The following HLCS variants were observed in gnomAD, a reference collection of about 807,000 sequenced individuals.
The protein encoded by HLCS is biotin--protein ligase.
A neutral mutation model predicts 75.0 loss-of-function variants in HLCS; 53 were observed. That is an observed-to-expected ratio of 0.71 (90% CI 0.57 to 0.89). The LOEUF (loss-of-function observed/expected upper bound fraction) is 0.89, where lower values mean the gene tolerates loss of function less well. Among genes scored for constraint, HLCS ranks in the 40% least tolerant of loss-of-function variants. The probability of loss-of-function intolerance (pLI) is 0.00; values close to 1 mark genes in which losing one functional copy is unlikely to be tolerated. For synonymous variants in HLCS, 431 were observed against 428.6 expected (o/e 1.01, Z -0.07); for missense variants, 966 against 1,074.0 (o/e 0.90, Z 1.41).
intron 6 of HLCS, among the ~76,000 whole-genome samples, chr21:36,818,057 G>A (rs931323766): frequency 1.3e-5 from 2 of 152,070 alleles, no homozygotes; most frequent in African/African-American, 2.4e-5. Flanking sequence ...AAGCAGTGTC[G>A]AATTAATTTC....
intron 6 of HLCS, among the ~76,000 whole-genome samples, chr21:36,851,142 T>C (rs1037264310): frequency 1.3e-5 from 2 of 152,220 alleles, no homozygotes; most frequent in African/African-American, 2.4e-5. Context: ...TACATTTCAA[T>C]AGAGCTACCA....
intron 1 of HLCS, among the ~76,000 whole-genome samples, chr21:36,985,701 G>A (rs900152879): frequency 6.6e-6 from 1 of 151,976 alleles, no homozygotes; most frequent in African/African-American, 2.4e-5. Context: ...GGGAGGTGGA[G>A]GTTGCAGTGA....
intron 6 of HLCS, among the ~76,000 whole-genome samples, chr21:36,879,124 C>CA (rs372122962): frequency 1 from 152,272 of 152,282 alleles, 76,131 homozygotes; most frequent in Middle Eastern, 1. Context: ...ATCTCTTGAA[C>CA]AAAAATAATT....
At chr21:36,912,485 C>T (rs559454425) in intron 5 of HLCS, among the ~76,000 whole-genome samples, 4 of 151,974 alleles carry the variant, frequency 2.6e-5, no homozygotes, top group African/African-American at 9.7e-5. Flanking sequence ...CCAGGAGCCA[C>T]AGGGAGAGGG....
chr21:36,896,962 T>C lies in HLCS; in HGVS notation c.1790A>G (p.His597Arg). 1 of 1,614,174 alleles carries C rather than the reference T, an allele frequency of 6.2e-7. No homozygotes were observed. Among genetic ancestry groups the C allele is most frequent in the Non-Finnish European group, 8.5e-7 (1 of 1,180,028 alleles). ...TTGGCGATAGATCTCTAAGTTGAAATGTTCTGATGAGAAGGCCTCCATGTT... is the reference window on the plus strand; with the variant it reads ...TTGGCGATAGATCTCTAAGTTGAAACGTTCTGATGAGAAGGCCTCCATGTT... Reference protein sequence around the residue: ...VTNMEAFSSEHFNLEIYRQNL... With the variant: ...VTNMEAFSSERFNLEIYRQNL... Residue 597 changes from histidine to arginine, a missense_variant, in exon 6 of 11, where the codon CAT becomes CGT. Coordinates refer to ENST00000674895, the MANE Select transcript of HLCS (RefSeq NM_001352514.2).
At chr21:36,972,654 T>G (rs2068822671) in intron 1 of HLCS, among the ~76,000 whole-genome samples, 1 of 152,216 alleles carries the variant, frequency 6.6e-6, no homozygotes, top group Non-Finnish European at 1.5e-5. Context: ...AGCCATAGAT[T>G]TATATTTCTG....
chr21:36,945,951 T>C (rs2067372132), intron 2 of HLCS: 1 of 194,182 alleles, frequency 5.1e-6, no homozygotes, highest in Non-Finnish European at 9.4e-6. Flanking sequence ...CTGAGCAAGC[T>C]ACTCAAATTC....
At chr21:36,924,515 G>A (rs1007196227) in intron 5 of HLCS, among the ~76,000 whole-genome samples, 1 of 152,130 alleles carries the variant, frequency 6.6e-6, no homozygotes, top group Admixed American at 6.5e-5. Context: ...AGCAGAGATT[G>A]CACCACTGCA....
intron 6 of HLCS, among the ~76,000 whole-genome samples, chr21:36,779,205 T>C (rs997269929): frequency 6.6e-6 from 1 of 152,140 alleles, no homozygotes; most frequent in Admixed American, 6.5e-5. Flanking sequence ...TCTGCTTTGG[T>C]TGAAAAAATT....
chr21:36,893,672 T>C (rs2064886999), intron 6 of HLCS, among the ~76,000 whole-genome samples: 1 of 152,116 alleles, frequency 6.6e-6, no homozygotes, highest in African/African-American at 2.4e-5. Context: ...CAGTTCACAA[T>C]AGGGTTTGAG....
chr21:36,792,409 A>G (rs2060894652), intron 6 of HLCS, among the ~76,000 whole-genome samples: 1 of 140,696 alleles, frequency 7.1e-6, no homozygotes, highest in Admixed American at 7.4e-5. Context: ...ACCTGCAAAA[A>G]TGGCTCTTTC....
intron 6 of HLCS, among the ~76,000 whole-genome samples, chr21:36,793,238 A>T (rs1287567632): frequency 6.6e-6 from 1 of 150,832 alleles, no homozygotes; most frequent in African/African-American, 2.4e-5. Flanking sequence ...TTCTAAGATC[A>T]TCCACAGGTG....
At chr21:36,931,764 G>A (rs905922217) in intron 4 of HLCS, among the ~76,000 whole-genome samples, 6 of 151,570 alleles carry the variant, frequency 4.0e-5, no homozygotes, top group African/African-American at 1.5e-4. Context: ...AAAAAAAAGA[G>A]AGAGAGAGTT....
chr21:36,975,275 G>A (rs1454894348), intron 1 of HLCS: 1 of 152,316 alleles, frequency 6.6e-6, no homozygotes, highest in African/African-American at 2.4e-5. Flanking sequence ...CAGCCCCTGT[G>A]TCTTGTTTAT....
intron 4 of HLCS, among the ~76,000 whole-genome samples, chr21:36,936,097 G>A (rs1207446259): frequency 6.6e-6 from 1 of 152,090 alleles, no homozygotes; most frequent in Non-Finnish European, 1.5e-5. Flanking sequence ...TTAACCAAGG[G>A]GTGCTCTAAG....
chr21:36,769,125 T>C (rs565192240), intron 6 of HLCS, among the ~76,000 whole-genome samples: 3 of 152,308 alleles, frequency 2.0e-5, no homozygotes, highest in East Asian at 3.9e-4. Context: ...CACAGACTTC[T>C]AGAACAAAGA....
intron 6 of HLCS, among the ~76,000 whole-genome samples, chr21:36,770,346 C>T (rs779382217): frequency 1.8e-4 from 27 of 151,940 alleles, no homozygotes; most frequent in Admixed American, 5.9e-4. Context: ...GAGGTTTCAT[C>T]ATGTTGGCCA....
chr21:36,987,496 CCAGCTACTCA>C lies in HLCS; in HGVS notation c.-393+2652_-393+2661del, dbSNP rs1417536269. Reference sequence around the variant, plus strand: ...GGTGTGGTGGTGCGTGCCTGTAATCCCAGCTACTCAGGAGGCTGAGGCAGAAGAATTGTCT... The same window carrying C: ...GGTGTGGTGGTGCGTGCCTGTAATCCGGAGGCTGAGGCAGAAGAATTGTCT... On this transcript the variant is annotated intron_variant, in intron 1 of 11. Coordinates refer to the HLCS transcript ENST00000336648. 2.6e-5 allele frequency among the ~76,000 whole-genome samples: 4 copies of C among 151,988 alleles called. No individual in the cohort carries two copies. In the East Asian group the frequency reaches 7.7e-4, roughly 29 times the overall value.
chr21:36,948,707 T>A (rs1369593954), intron 2 of HLCS, among the ~76,000 whole-genome samples: 1 of 108,572 alleles, frequency 9.2e-6, no homozygotes, highest in Non-Finnish European at 1.7e-5. Flanking sequence ...CCAGCCTGGA[T>A]GACAGAATGA....
Sources: allele counts gnomAD v4.1 joint callset (sites outside exome capture counted in the v4.1 genomes callset), GRCh38; gene constraint gnomAD v4.1.1; transcripts MANE v1.5; gene names NCBI Gene and HGNC (gene_info 2026-07-23, HGNC 2026-07-21).